The following FIGLA variants were observed in gnomAD, a reference collection of about 807,000 sequenced individuals.
The protein encoded by FIGLA is factor in the germline alpha.
FIGLA carries 17 observed loss-of-function variants against 21.5 expected under a neutral mutation model. That is an observed-to-expected ratio of 0.79 (90% CI 0.54 to 1.19). The LOEUF (loss-of-function observed/expected upper bound fraction) is 1.19, where lower values mean the gene tolerates loss of function less well. Ranked by LOEUF, FIGLA falls within the 50% of genes most tolerant of loss-of-function variation. FIGLA has a pLI of 0.00. For missense variants in FIGLA, 282 were observed against 285.0 expected (o/e 0.99, Z 0.08); for synonymous variants, 129 against 117.6 (o/e 1.10, Z -0.63).
At chr2:70,785,100 G>C (rs1675923097) in intron 3 of FIGLA, among the ~76,000 whole-genome samples, 1 of 152,102 alleles carries the variant, frequency 6.6e-6, no homozygotes, top group African/African-American at 2.4e-5. Context: ...TGGTTCTGGG[G>C]TTAAATAGGA....
At chr2:70,788,236 G>A (rs1388180696) in intron 1 of FIGLA, among the ~76,000 whole-genome samples, 1 of 152,178 alleles carries the variant, frequency 6.6e-6, no homozygotes, top group East Asian at 1.9e-4. Context: ...TTTTTGGGGG[G>A]TGTGATTAAG....
chr2:70,779,146 C>A (rs868911598), intron 3 of FIGLA, among the ~76,000 whole-genome samples: 10 of 152,176 alleles, frequency 6.6e-5, no homozygotes, highest in African/African-American at 2.4e-4. Flanking sequence ...GCCACTGTGC[C>A]TTTAGACCAG....
intron 3 of FIGLA, among the ~76,000 whole-genome samples, chr2:70,783,472 T>G (rs1553389421): frequency 6.6e-6 from 1 of 152,166 alleles, no homozygotes; most frequent in Non-Finnish European, 1.5e-5. Flanking sequence ...CTACTAGTAC[T>G]GCCAAGCACA....
intron 2 of FIGLA, among the ~76,000 whole-genome samples, chr2:70,787,221 GT>G (rs1364238014): frequency 1.3e-5 from 2 of 152,230 alleles, no homozygotes; most frequent in Non-Finnish European, 2.9e-5. Flanking sequence ...CCTAAGAGAG[GT>G]TCCTTGGGGA....
chr2:70,783,056 CAA>C (rs60009932), intron 3 of FIGLA, among the ~76,000 whole-genome samples: 10,367 of 124,126 alleles, frequency 0.084, 634 homozygotes, highest in African/African-American at 0.2. Flanking sequence ...GACTCTGTCT[CAA>C]AAAAAAAAAA....
intron 3 of FIGLA, among the ~76,000 whole-genome samples, chr2:70,780,480 T>C (rs1407901765): frequency 6.6e-6 from 1 of 152,156 alleles, no homozygotes; most frequent in Non-Finnish European, 1.5e-5. Context: ...CTGGGCTGAA[T>C]CTTTACGAGG....
In FIGLA at chr2:70,787,817, G is replaced by T; in HGVS notation, c.232-16C>A. On this transcript the variant is annotated splice_polypyrimidine_tract_variant and intron_variant, in intron 1 of 4. Transcript: ENST00000332372. ...GATTTTTTATCTAGAAAACAAAAAGGCACAGTAACACACAGAGAAGCCAAT... is the reference window on the plus strand; with the variant it reads ...GATTTTTTATCTAGAAAACAAAAAGTCACAGTAACACACAGAGAAGCCAAT... 1.2e-6 allele frequency: 2 copies of T among 1,610,846 alleles called. No homozygotes were observed. Among genetic ancestry groups the T allele is most frequent in the Non-Finnish European group, 8.5e-7 (1 of 1,179,112 alleles).
chr2:70,781,551 T>C (rs1675856494), intron 3 of FIGLA, among the ~76,000 whole-genome samples: 1 of 152,170 alleles, frequency 6.6e-6, no homozygotes, highest in Non-Finnish European at 1.5e-5. Context: ...CAAAATGTTC[T>C]AAAATATTTA....
chr2:70,787,532 T>C (rs1675977955), intron 2 of FIGLA, 117 bp downstream of exon 2: 2 of 1,070,220 alleles, frequency 1.9e-6, no homozygotes, highest in Non-Finnish European at 2.7e-6. Flanking sequence ...TAAAAATAGC[T>C]TAGAGGTTAT....
At chr2:70,778,085 A>G (rs183760389) in intron 3 of FIGLA, among the ~76,000 whole-genome samples, 1 of 152,360 alleles carries the variant, frequency 6.6e-6, no homozygotes, top group African/African-American at 2.4e-5. Context: ...AAAGCACCGC[A>G]ATCAAATGCT....
chr2:70,786,395 C>A (rs1553390043), intron 2 of FIGLA, among the ~76,000 whole-genome samples: 1 of 152,010 alleles, frequency 6.6e-6, no homozygotes, highest in Non-Finnish European at 1.5e-5. Flanking sequence ...GCTCCGCCTC[C>A]CAGGTTCACG....
chr2:70,778,685 C>T (rs1445337873), intron 3 of FIGLA, among the ~76,000 whole-genome samples: 7 of 152,000 alleles, frequency 4.6e-5, no homozygotes, highest in African/African-American at 1.7e-4. Flanking sequence ...AATAGAAAAA[C>T]TTGCCAAAGT....
At chr2:70,790,180 TAGCGGGCGAGGCGGCCACCGC>T (rs747813898) in intron 1 of FIGLA, among the ~76,000 whole-genome samples, 40 of 152,236 alleles carry the variant, frequency 2.6e-4, no homozygotes, top group East Asian at 1.6e-3. Context: ...CCTGGAGGGT[TAGCGGGCGAGGCGGCCACCGC>T]AGCGGCCGCC....
chr2:70,779,248 C>A (rs1368964450), intron 3 of FIGLA, among the ~76,000 whole-genome samples: 2 of 152,132 alleles, frequency 1.3e-5, no homozygotes, highest in African/African-American at 4.8e-5. Flanking sequence ...AGGCACCCAC[C>A]CCATTAAATG....
In FIGLA at chr2:70,787,643, C is replaced by T. The variant is rs782288538; in HGVS notation, c.384+6G>A. ...CTATCATTATTCTAAAATCTTACAC[C>T]TTTACCTTTGAGTCTTTGGCTCCTT... is the stretch of plus-strand genomic sequence containing the variant. On this transcript the variant is annotated splice_donor_region_variant and intron_variant, in intron 2 of 4. Coordinates refer to ENST00000332372, the MANE Select transcript of FIGLA (RefSeq NM_001004311.3). 3.9e-6 allele frequency: 6 copies of T among 1,556,180 alleles called. No individual in the cohort carries two copies. The highest frequency in any genetic ancestry group is 2.7e-5 in the African/African-American group (2 of 73,284).
At position 70,787,622 on chromosome 2, in the gene FIGLA, C is replaced by G. The variant is rs1675979601; in HGVS notation, c.384+27G>C. On this transcript the variant is annotated intron_variant, in intron 2 of 4. Transcript: ENST00000332372. The stretch of plus-strand genomic sequence containing the variant: ...AAAAGGCCTAATAAATGGTGGCTAT[C>G]ATTATTCTAAAATCTTACACCTTTA... 3 of 1,548,362 alleles carry G rather than the reference C, an allele frequency of 1.9e-6. No individual in the cohort carries two copies. The East Asian group carries it at 7.3e-5, about 38-fold the overall frequency.
At chr2:70,783,056 CAAAAAA>C (rs60009932) in intron 3 of FIGLA, among the ~76,000 whole-genome samples, 3 of 124,304 alleles carry the variant, frequency 2.4e-5, no homozygotes, top group African/African-American at 2.9e-5. Flanking sequence ...GACTCTGTCT[CAAAAAA>C]AAAAAAAAAA....
chr2:70,777,684 T>C lies in FIGLA; in HGVS notation c.610-13A>G. On this transcript the variant is annotated splice_polypyrimidine_tract_variant and intron_variant, in intron 3 of 4. Transcript: ENST00000332372. ...CTGGGAATCTATCCTGCAAAAACAA[T>C]ACAAAATACAGAAAGGGCTAAACAC... 7.6e-7 allele frequency: 1 copy of C among 1,316,120 alleles called. No homozygotes were observed. Among genetic ancestry groups the C allele is most frequent in the Non-Finnish European group, 1.1e-6 (1 of 915,782 alleles). 81.5% of individuals were successfully genotyped at this position (1,316,120 alleles called of 1,614,324 possible). A position where few individuals can be genotyped will look rare whatever the true frequency, so the allele number is the denominator to read the frequency against.
chr2:70,785,973 A>G (rs1675948712), intron 2 of FIGLA, among the ~76,000 whole-genome samples: 1 of 152,232 alleles, frequency 6.6e-6, no homozygotes, highest in Non-Finnish European at 1.5e-5. Flanking sequence ...TGACCATACC[A>G]AAACCCAACC....
Sources: allele counts gnomAD v4.1 joint callset (sites outside exome capture counted in the v4.1 genomes callset), GRCh38; gene constraint gnomAD v4.1.1; transcripts MANE v1.5; gene names NCBI Gene and HGNC (gene_info 2026-07-23, HGNC 2026-07-21).